Variants in SHISA9 observed in about 807,000 individuals in gnomAD.
The protein encoded by SHISA9 is protein shisa-9.
In SHISA9, 13 loss-of-function variants were observed where a neutral mutation model predicts 38.0. The ratio of observed to expected loss-of-function variants is 0.34; its 90% CI spans 0.22 to 0.54. The LOEUF (loss-of-function observed/expected upper bound fraction) is 0.54. SHISA9 is among the 20% of genes least tolerant of loss of function. The pLI, the probability that SHISA9 is intolerant of heterozygous loss-of-function variation, is 0.91. For missense variants in SHISA9, 538 were observed against 575.8 expected, an observed-to-expected ratio of 0.93 and a Z score of 0.67; for synonymous variants, 275 against 242.0, an observed-to-expected ratio of 1.14 and a Z score of -1.27.
chr16:13,478,491 A>G, the SHISA9 span, among the ~76,000 whole-genome samples: 7 of 152,128 alleles, frequency 4.6e-5, no homozygotes, highest in Non-Finnish European at 8.8e-5. Flanking sequence ...CTTGAACTCT[A>G]TAGTTTACCC....
chr16:12,908,815 G>T, intron 1 of SHISA9: 1 of 1,331,322 alleles, frequency 7.5e-7, no homozygotes, highest in Non-Finnish European at 9.7e-7. Context: ...GGGGACAGAA[G>T]CACATATGTG....
At chr16:12,976,799 G>T (rs2072168556) in intron 2 of SHISA9, among the ~76,000 whole-genome samples, 1 of 152,070 alleles carries the variant, frequency 6.6e-6, no homozygotes, top group East Asian at 1.9e-4. Context: ...CTGTGGCTTT[G>T]CCTGGAATGT....
chr16:13,139,579 G>A (rs1392403091), intron 2 of SHISA9, among the ~76,000 whole-genome samples: 4 of 151,726 alleles, frequency 2.6e-5, no homozygotes, highest in Non-Finnish European at 5.9e-5. Flanking sequence ...ATGGAAGCCT[G>A]CTATAAACAG....
intron 2 of SHISA9, among the ~76,000 whole-genome samples, chr16:13,149,933 G>GAA (rs368916084): frequency 1.3e-5 from 1 of 74,634 alleles, no homozygotes; most frequent in Middle Eastern, 7.6e-3. Flanking sequence ...TCAAAAAAAA[G>GAA]AAAAAAAAAA....
chr16:13,030,046 G>A (rs2072972340), intron 2 of SHISA9, among the ~76,000 whole-genome samples: 1 of 152,196 alleles, frequency 6.6e-6, no homozygotes, highest in Admixed American at 6.5e-5. Context: ...CCAGTGTTTA[G>A]CATAGTGCCT....
chr16:12,940,189 G>A (rs1426575186), intron 2 of SHISA9, among the ~76,000 whole-genome samples: 1 of 152,188 alleles, frequency 6.6e-6, no homozygotes, highest in Non-Finnish European at 1.5e-5. Flanking sequence ...CAAGGTCTGA[G>A]GCAGAGGCCA....
chr16:13,502,528 C>A, the SHISA9 span, among the ~76,000 whole-genome samples: 1 of 152,054 alleles, frequency 6.6e-6, no homozygotes, highest in African/African-American at 2.4e-5. Context: ...TACAAAATAT[C>A]CATTGTTTAA....
the SHISA9 span, among the ~76,000 whole-genome samples, chr16:13,376,879 G>A: frequency 6.6e-6 from 1 of 151,982 alleles, no homozygotes; most frequent in African/African-American, 2.4e-5. Flanking sequence ...GTAGAGATGT[G>A]TTGCCCAGGC....
At chr16:12,923,527 C>G (rs563116014) in intron 2 of SHISA9, among the ~76,000 whole-genome samples, 81 of 145,260 alleles carry the variant, frequency 5.6e-4, no homozygotes, top group Non-Finnish European at 1.0e-3. Context: ...AACTCTGTCT[C>G]AAAAAAAAAG....
At chr16:13,472,377 ATTTTTTTTTTTT>A in the SHISA9 span, among the ~76,000 whole-genome samples, 117 of 55,468 alleles carry the variant, frequency 2.1e-3, no homozygotes, top group Admixed American at 3.5e-3. Flanking sequence ...GCTCTGCTAA[ATTTTTTTTTTTT>A]TTTTTTTTTT....
the SHISA9 span, among the ~76,000 whole-genome samples, chr16:13,417,906 G>A: frequency 9.2e-5 from 14 of 152,192 alleles, no homozygotes; most frequent in African/African-American, 2.9e-4. Flanking sequence ...GGTGAAGCTG[G>A]TGGAACTTTT....
chr16:13,062,163 C>G (rs2073384000), intron 2 of SHISA9, among the ~76,000 whole-genome samples: 1 of 151,562 alleles, frequency 6.6e-6, no homozygotes, highest in African/African-American at 2.4e-5. Flanking sequence ...GGAAGTATAC[C>G]TCAAGTATGG....
At chr16:13,546,767 T>A in the SHISA9 span, among the ~76,000 whole-genome samples, 3 of 152,204 alleles carry the variant, frequency 2.0e-5, no homozygotes, top group African/African-American at 7.2e-5. Flanking sequence ...CATTTTTACA[T>A]GTTCATGGCT....
chr16:13,525,141 C>G, the SHISA9 span, among the ~76,000 whole-genome samples: 1 of 152,178 alleles, frequency 6.6e-6, no homozygotes. Flanking sequence ...TAGGTCAGTT[C>G]TAAGAATTTG....
the SHISA9 span, among the ~76,000 whole-genome samples, chr16:13,392,657 C>T: frequency 6.6e-6 from 1 of 152,174 alleles, no homozygotes; most frequent in Non-Finnish European, 1.5e-5. Context: ...CCAACACCCA[C>T]TGCGTTAAGA....
At chr16:13,343,537 G>C in the SHISA9 span, among the ~76,000 whole-genome samples, 1 of 152,086 alleles carries the variant, frequency 6.6e-6, no homozygotes, top group Admixed American at 6.6e-5. Flanking sequence ...TCCATGAAGT[G>C]ATGCTGGGAT....
chr16:13,407,419 A>G, the SHISA9 span, among the ~76,000 whole-genome samples: 19 of 152,150 alleles, frequency 1.2e-4, no homozygotes, highest in Non-Finnish European at 2.5e-4. Flanking sequence ...AATCTCACTC[A>G]TGGGGGCTCT....
chr16:13,126,483 A>T (rs2050257292), intron 2 of SHISA9, among the ~76,000 whole-genome samples: 1 of 146,334 alleles, frequency 6.8e-6, no homozygotes, highest in South Asian at 2.3e-4. Context: ...GGAAGGAAGG[A>T]TGAGAGAGAA....
intron 2 of SHISA9, among the ~76,000 whole-genome samples, chr16:13,031,657 G>C (rs1029761173): frequency 3.3e-5 from 5 of 152,138 alleles, no homozygotes; most frequent in African/African-American, 1.2e-4. Flanking sequence ...CTGCCTCTCT[G>C]AGCCTCAATG....
Sources: gnomAD v4.1 joint callset for allele counts (sites outside exome capture counted in the v4.1 genomes callset) on GRCh38, gnomAD v4.1.1 for gene constraint, MANE v1.5 for transcripts, NCBI Gene and HGNC (gene_info 2026-07-23, HGNC 2026-07-21) for gene names.